LGSN: variants seen among roughly 807,000 people sequenced by gnomAD.
The protein encoded by LGSN is lengsin.
LGSN carries 21 observed loss-of-function variants against 19.5 expected under a neutral mutation model. The observed-to-expected ratio is 1.07, with a 90% CI of 0.76 to 1.55. The LOEUF is 1.55. Among genes scored for constraint, LGSN ranks in the 40% most tolerant of loss-of-function variants. LGSN has a pLI of 0.00. For missense variants in LGSN, 673 were observed against 608.5 expected (o/e 1.11, Z -1.12); for synonymous variants, 257 against 215.6 (o/e 1.19, Z -1.68).
intron 1 of LGSN, among the ~76,000 whole-genome samples, chr6:63,298,171 G>A (rs1768051885): frequency 6.6e-6 from 1 of 152,196 alleles, no homozygotes; most frequent in Non-Finnish European, 1.5e-5. Flanking sequence ...ACCCCCAGGA[G>A]CACTGAGTGA....
At chr6:63,385,382 G>C in the LGSN span, among the ~76,000 whole-genome samples, 1 of 152,122 alleles carries the variant, frequency 6.6e-6, no homozygotes, top group Non-Finnish European at 1.5e-5. Flanking sequence ...ACTAAACTTA[G>C]ATCACTCTGT....
chr6:63,364,791 A>G, the LGSN span, among the ~76,000 whole-genome samples: 1 of 152,184 alleles, frequency 6.6e-6, no homozygotes, highest in African/African-American at 2.4e-5. Flanking sequence ...CTCATTCAAA[A>G]CTGCTCAACT....
chr6:63,507,884 T>A, the LGSN span, among the ~76,000 whole-genome samples: 2 of 152,210 alleles, frequency 1.3e-5, no homozygotes, highest in African/African-American at 4.8e-5. Context: ...CATGACATTA[T>A]TGATCTACTA....
the LGSN span, among the ~76,000 whole-genome samples, chr6:63,439,171 A>G: frequency 2.0e-5 from 3 of 151,790 alleles, no homozygotes; most frequent in African/African-American, 7.3e-5. Flanking sequence ...ACATGGACAC[A>G]GGAAGGGGAA....
At chr6:63,445,779 C>G in the LGSN span, among the ~76,000 whole-genome samples, 1 of 152,134 alleles carries the variant, frequency 6.6e-6, no homozygotes, top group Non-Finnish European at 1.5e-5. Flanking sequence ...TGAATTACTA[C>G]AATTGCCTGC....
At chr6:63,474,442 A>T in the LGSN span, among the ~76,000 whole-genome samples, 41 of 151,930 alleles carry the variant, frequency 2.7e-4, no homozygotes, top group African/African-American at 9.4e-4. Flanking sequence ...CCCCGTCTCT[A>T]CTAAAAATAC....
At chr6:63,422,958 C>G in the LGSN span, among the ~76,000 whole-genome samples, 369 of 152,178 alleles carry the variant, frequency 2.4e-3, 1 homozygote, top group Non-Finnish European at 4.2e-3. Context: ...CCAACTATAT[C>G]CTATTTATAA....
chr6:63,437,348 T>A, the LGSN span, among the ~76,000 whole-genome samples: 1 of 152,280 alleles, frequency 6.6e-6, no homozygotes, highest in Admixed American at 6.5e-5. Context: ...CCCTGCAGAC[T>A]GGCGCTTCTT....
chr6:63,377,056 T>C, the LGSN span, among the ~76,000 whole-genome samples: 14 of 152,244 alleles, frequency 9.2e-5, no homozygotes, highest in Non-Finnish European at 1.6e-4. Context: ...TAGATAGATA[T>C]GCACTGATTC....
At chr6:63,281,848 C>G (rs1338602570) in intron 3 of LGSN, among the ~76,000 whole-genome samples, 2 of 152,126 alleles carry the variant, frequency 1.3e-5, no homozygotes, top group Non-Finnish European at 2.9e-5. Context: ...TCTCAGAGTC[C>G]CAGAACCCTT....
At chr6:63,508,641 G>A in the LGSN span, among the ~76,000 whole-genome samples, 3 of 152,114 alleles carry the variant, frequency 2.0e-5, no homozygotes, top group Admixed American at 1.3e-4. Context: ...TTCTGGCTGG[G>A]CACGGTGGCT....
At chr6:63,412,654 G>GGGAAGGAAA in the LGSN span, among the ~76,000 whole-genome samples, 2 of 117,938 alleles carry the variant, frequency 1.7e-5, no homozygotes, top group South Asian at 5.4e-4. Context: ...AGGGAAGGAA[G>GGGAAGGAAA]GGAAGGAAAG....
At chr6:63,364,212 C>G in the LGSN span, among the ~76,000 whole-genome samples, 1 of 151,016 alleles carries the variant, frequency 6.6e-6, no homozygotes, top group African/African-American at 2.4e-5. Context: ...CACATACGCT[C>G]AAAATAAAGG....
At chr6:63,288,390 T>C (rs1048761714) in intron 2 of LGSN, among the ~76,000 whole-genome samples, 44 of 151,716 alleles carry the variant, frequency 2.9e-4, no homozygotes, top group Admixed American at 2.6e-4. Flanking sequence ...TATATTATGA[T>C]GTGGGGCAAG....
the LGSN span, among the ~76,000 whole-genome samples, chr6:63,362,056 G>A: frequency 6.6e-6 from 1 of 152,158 alleles, no homozygotes; most frequent in Admixed American, 6.5e-5. Context: ...TGTCCCACTG[G>A]AAGTTCTTCA....
the LGSN span, among the ~76,000 whole-genome samples, chr6:63,387,474 A>G: frequency 6.6e-6 from 1 of 152,206 alleles, no homozygotes; most frequent in African/African-American, 2.4e-5. Flanking sequence ...TGCATAGGTT[A>G]CATGCAAATA....
the LGSN span, among the ~76,000 whole-genome samples, chr6:63,345,848 C>T: frequency 1.3e-5 from 2 of 152,172 alleles, no homozygotes; most frequent in African/African-American, 4.8e-5. Context: ...CTCTTTGGTC[C>T]AATATCTTTT....
At chr6:63,544,639 T>G in the LGSN span, among the ~76,000 whole-genome samples, 1 of 152,180 alleles carries the variant, frequency 6.6e-6, no homozygotes, top group Non-Finnish European at 1.5e-5. Context: ...ATTATTTATC[T>G]TCTATATGAC....
chr6:63,335,960 A>G, the LGSN span, among the ~76,000 whole-genome samples: 1 of 152,248 alleles, frequency 6.6e-6, no homozygotes, highest in Non-Finnish European at 1.5e-5. Flanking sequence ...AATGTGCTAT[A>G]CATACACAAT....
Sources: allele counts gnomAD v4.1 joint callset (sites outside exome capture counted in the v4.1 genomes callset), GRCh38; gene constraint gnomAD v4.1.1; transcripts MANE v1.5; gene names NCBI Gene and HGNC (gene_info 2026-07-23, HGNC 2026-07-21).